Variants in SERAC1 observed in about 807,000 individuals in gnomAD.
The protein encoded by SERAC1 is protein SERAC1.
In SERAC1, 36 loss-of-function variants were observed where a neutral mutation model predicts 85.7. The ratio of observed to expected loss-of-function variants is 0.42; its 90% CI spans 0.32 to 0.55. The LOEUF (loss-of-function observed/expected upper bound fraction) is 0.55. Among genes scored for constraint, SERAC1 ranks in the 20% least tolerant of loss-of-function variants. The probability of loss-of-function intolerance (pLI) is 0.11; values close to 1 mark genes in which losing one functional copy is unlikely to be tolerated. For synonymous variants in SERAC1, 242 were observed against 265.3 expected, an observed-to-expected ratio of 0.91 and a Z score of 0.85; for missense variants, 629 against 796.2, an observed-to-expected ratio of 0.79 and a Z score of 2.53.
chr6:158,148,275 T>G (rs1785119441), intron 5 of SERAC1, among the ~76,000 whole-genome samples: 1 of 152,216 alleles, frequency 6.6e-6, no homozygotes, highest in Non-Finnish European at 1.5e-5. Flanking sequence ...ATGCTCATTA[T>G]GAAGGCATGG....
At chr6:158,138,250 T>G (rs1376827363) in intron 8 of SERAC1, among the ~76,000 whole-genome samples, 1 of 151,950 alleles carries the variant, frequency 6.6e-6, no homozygotes, top group Non-Finnish European at 1.5e-5. Context: ...CTGACCAACA[T>G]GGTGAAACCC....
intron 1 of SERAC1, among the ~76,000 whole-genome samples, chr6:158,167,406 C>T (rs563164082): frequency 6.6e-6 from 1 of 151,550 alleles, no homozygotes; most frequent in East Asian, 1.9e-4. Flanking sequence ...GGCGTGGTAG[C>T]GCACGCCTGT....
At chr6:158,158,418 C>CT in intron 1 of SERAC1, 54 bp from the exon 2 acceptor site, 2 of 1,291,456 alleles carry the variant, frequency 1.5e-6, no homozygotes, top group Non-Finnish European at 2.2e-6. Flanking sequence ...AATCAAAACA[C>CT]TTGTTTTAAC....
At position 158,114,883 on chromosome 6, in the gene SERAC1, A is replaced by G; in HGVS notation, c.1590T>C (p.Tyr530=). The change falls in exon 15 of 17, where the codon TAT becomes TAC. Residue 530 remains tyrosine (Y), a synonymous_variant. Coordinates refer to ENST00000647468, the MANE Select transcript of SERAC1 (RefSeq NM_032861.4). The part of the protein sequence containing the change: ...VINNTRGIIF[Y]SVPHHGSRLA... ...AACGTGATCCATGATGAGGGACACT[A>G]TAAAAAATTATTCCTCTGGTATTGT... 6.2e-7 allele frequency: 1 copy of G among 1,614,028 alleles called. No homozygotes were observed. The highest frequency in any genetic ancestry group is 8.5e-7 in the Non-Finnish European group (1 of 1,179,918).
rs1007942638 is a variant in SERAC1, at chr6:158,146,398, C to CTTTTTTTTTTTT, written c.487+372_487+383dup. On this transcript the variant is annotated intron_variant, in intron 6 of 16. Transcript: ENST00000647468. ...CTGAATCTCACTCCCACTCCCTTGTCTTTTTTTTTTTTTTTTTTTTTTTTT... is the reference window on the plus strand; with the variant it reads ...CTGAATCTCACTCCCACTCCCTTGTCTTTTTTTTTTTTTTTTTTTTTTTTTTTTTTTTTTTTT... 5 of 66,810 alleles carry CTTTTTTTTTTTT rather than the reference C, an allele frequency of 7.5e-5. 2 individuals carry two copies. The highest frequency in any genetic ancestry group is 3.6e-4 in the African/African-American group (5 of 13,792). 4.1% of individuals were successfully genotyped at this position (66,810 alleles called of 1,614,324 possible).
intron 5 of SERAC1, among the ~76,000 whole-genome samples, chr6:158,147,686 C>T (rs918278122): frequency 2.6e-4 from 35 of 135,162 alleles, no homozygotes; most frequent in Non-Finnish European, 2.4e-4. Flanking sequence ...AGGAGAATGG[C>T]GTGAACCCGG....
At chr6:158,142,299 T>C (rs1445165454) in intron 8 of SERAC1, among the ~76,000 whole-genome samples, 1 of 151,946 alleles carries the variant, frequency 6.6e-6, no homozygotes, top group Non-Finnish European at 1.5e-5. Context: ...CAGCTGGAAC[T>C]ACAGGCACAT....
chr6:158,122,127 G>A (rs2128413013), intron 10 of SERAC1, among the ~76,000 whole-genome samples: 1 of 152,330 alleles, frequency 6.6e-6, no homozygotes, highest in South Asian at 2.1e-4. Flanking sequence ...TGTCTACAGT[G>A]TTCAGTACAG....
intron 2 of SERAC1, among the ~76,000 whole-genome samples, chr6:158,157,806 C>A (rs1253146676): frequency 6.6e-6 from 1 of 152,054 alleles, no homozygotes; most frequent in Non-Finnish European, 1.5e-5. Context: ...CTATACTGAC[C>A]CTATGAAATG....
intron 7 of SERAC1, 151 bp from the exon 8 acceptor site, chr6:158,143,335 CTCTCTCTCTCTCTATATATATA>C (rs61058694): frequency 0.092 from 12,274 of 133,970 alleles, 332 homozygotes; most frequent in African/African-American, 0.28. Flanking sequence ...CTCTCTCTCT[CTCTCTCTCTCTCTATATATATA>C]TATATATATA....
chr6:158,147,768 CAAAAAAAAAAA>C (rs71027383), intron 5 of SERAC1, among the ~76,000 whole-genome samples: 1,817 of 69,106 alleles, frequency 0.026, 77 homozygotes, highest in African/African-American at 0.12. Context: ...GGCTCTGTCT[CAAAAAAAAAAA>C]AAAAAAAAAA....
intron 2 of SERAC1, among the ~76,000 whole-genome samples, chr6:158,157,836 G>C (rs139791597): frequency 6.6e-6 from 1 of 152,060 alleles, no homozygotes; most frequent in African/African-American, 2.4e-5. Flanking sequence ...AGATCCAACC[G>C]GGCCTAGGGT....
At chr6:158,157,020 A>G (rs1042085760) in intron 2 of SERAC1, among the ~76,000 whole-genome samples, 2 of 147,954 alleles carry the variant, frequency 1.4e-5, no homozygotes, top group African/African-American at 5.0e-5. Flanking sequence ...ATGTATAGAC[A>G]GAGTTTCATT....
intron 2 of SERAC1, among the ~76,000 whole-genome samples, chr6:158,156,918 A>G (rs1258965839): frequency 8.6e-5 from 9 of 104,652 alleles, no homozygotes; most frequent in African/African-American, 2.4e-4. Context: ...ATATTTATAT[A>G]AATATTAATA....
At chr6:158,143,604 T>A (rs1562450590) in intron 7 of SERAC1, among the ~76,000 whole-genome samples, 1 of 152,110 alleles carries the variant, frequency 6.6e-6, no homozygotes, top group African/African-American at 2.4e-5. Context: ...TCAAAATGAA[T>A]TATTGCACCC....
At chr6:158,131,280 A>G (rs1193931366) in intron 8 of SERAC1, among the ~76,000 whole-genome samples, 2 of 147,840 alleles carry the variant, frequency 1.4e-5, no homozygotes, top group East Asian at 3.9e-4. Flanking sequence ...TCTAAAATAT[A>G]TAAGAATATA....
chr6:158,128,624 C>G (rs1266305299), intron 9 of SERAC1, among the ~76,000 whole-genome samples: 2 of 152,168 alleles, frequency 1.3e-5, no homozygotes, highest in Non-Finnish European at 2.9e-5. Context: ...ACAGTTCTCA[C>G]CTTGAAAAAT....
chr6:158,114,500 AT>A, intron 15 of SERAC1: 1 of 1,166,172 alleles, frequency 8.6e-7, no homozygotes, highest in Non-Finnish European at 1.1e-6. Flanking sequence ...TTTATTGGTA[AT>A]TTGGAATAAT....
chr6:158,125,771 C>T (rs2128414238), intron 10 of SERAC1, among the ~76,000 whole-genome samples: 1 of 152,162 alleles, frequency 6.6e-6, no homozygotes, highest in South Asian at 2.1e-4. Context: ...AACAATACCA[C>T]AAAGAATGGC....
Sources: allele counts gnomAD v4.1 joint callset (sites outside exome capture counted in the v4.1 genomes callset), GRCh38; gene constraint gnomAD v4.1.1; transcripts MANE v1.5; gene names NCBI Gene and HGNC (gene_info 2026-07-23, HGNC 2026-07-21).